Variants in DCDC1 observed in about 807,000 individuals in gnomAD.
The protein encoded by DCDC1 is doublecortin domain-containing protein 1.
A neutral mutation model predicts 178.3 loss-of-function variants in DCDC1; 200 were observed. The observed-to-expected ratio is 1.12, with a 90% CI of 1.00 to 1.26. DCDC1 has a LOEUF of 1.26. DCDC1 is among the 50% of genes most tolerant of loss of function. The probability of loss-of-function intolerance (pLI) is 0.00; values close to 1 mark genes in which losing one functional copy is unlikely to be tolerated. For synonymous variants in DCDC1, 690 were observed against 604.8 expected (o/e 1.14, Z -2.07); for missense variants, 1,983 against 1,749.2 (o/e 1.13, Z -2.38).
chr11:30,949,237 A>G (rs1466820721), intron 21 of DCDC1, among the ~76,000 whole-genome samples: 1 of 152,262 alleles, frequency 6.6e-6, no homozygotes, highest in East Asian at 1.9e-4. Context: ...TTGTGCAGCC[A>G]ACAAACATAT....
chr11:30,936,615 G>A (rs1201599325), intron 21 of DCDC1, among the ~76,000 whole-genome samples: 1 of 152,110 alleles, frequency 6.6e-6, no homozygotes, highest in Non-Finnish European at 1.5e-5. Flanking sequence ...GAAAGGGAGT[G>A]GGGAAGACTC....
chr11:30,934,955 CCAGA>C (rs1947177847), intron 21 of DCDC1, among the ~76,000 whole-genome samples: 1 of 152,068 alleles, frequency 6.6e-6, no homozygotes, highest in Admixed American at 6.6e-5. Flanking sequence ...TGGAGTAGTC[CCAGA>C]CAAATGGGAG....
At position 30,926,743 on chromosome 11, in the gene DCDC1, A is replaced by G. The variant is rs181113014; in HGVS notation, c.2898-1335T>C. ...AATGTTTCTAAATTTTATATCCTCAATGGGATAAAGCAATTAAACAGATAA... is the reference window on the plus strand; with the variant it reads ...AATGTTTCTAAATTTTATATCCTCAGTGGGATAAAGCAATTAAACAGATAA... On this transcript the variant is annotated intron_variant, in intron 22 of 38. Transcript: ENST00000684477. Among the ~76,000 whole-genome samples, 719 of 152,320 alleles carry G rather than the reference A, an allele frequency of 4.7e-3. 5 individuals are homozygous for G. The highest frequency in any genetic ancestry group is 5.6e-3 in the Non-Finnish European group (383 of 68,032).
chr11:31,042,729 T>C (rs1246937518), intron 20 of DCDC1, among the ~76,000 whole-genome samples: 1 of 152,202 alleles, frequency 6.6e-6, no homozygotes, highest in African/African-American at 2.4e-5. Flanking sequence ...CGTTGCTTCT[T>C]GTGCGGCTCA....
Position 31,335,148 on chromosome 11 carries a change from C to T in DCDC1, c.-7+299G>A, listed in dbSNP as rs1315329749. Among the ~76,000 whole-genome samples, 3 of 152,248 alleles carry T rather than the reference C, an allele frequency of 2.0e-5. No individual in the cohort carries two copies. The Middle Eastern group carries it at 0.01, about 518-fold the overall frequency. On this transcript the variant is annotated intron_variant, in intron 2 of 38. Transcript: ENST00000684477. ...CCTGCCAGGCTGCTGCCTTGCAGGTCGATCTCAGACTGCTTCACTAGTAGT... is the reference window on the plus strand; with the variant it reads ...CCTGCCAGGCTGCTGCCTTGCAGGTTGATCTCAGACTGCTTCACTAGTAGT...
chr11:31,324,268 C>CAT (rs1392374631), intron 3 of DCDC1, among the ~76,000 whole-genome samples: 10 of 151,424 alleles, frequency 6.6e-5, no homozygotes, highest in Non-Finnish European at 2.9e-5. Context: ...CATAAAGACA[C>CAT]ATCTGAGCAT....
At chr11:31,262,979 G>C in intron 8 of DCDC1, 1 of 1,525,750 alleles carries the variant, frequency 6.6e-7, no homozygotes, top group South Asian at 1.2e-5. Flanking sequence ...ATTAAAATGT[G>C]ATAATAGCAC....
chr11:31,029,423 G>C (rs1953472244), intron 20 of DCDC1, among the ~76,000 whole-genome samples: 2 of 152,022 alleles, frequency 1.3e-5, no homozygotes, highest in Non-Finnish European at 2.9e-5. Context: ...GTATCTTTTA[G>C]ACTGAGAAAA....
At position 30,868,234 on chromosome 11, in the gene DCDC1, C is replaced by G. The variant is rs1421931994; in HGVS notation, c.*41-2902G>C. ...GGGGAGGGGTGCATCCATGCTCTTTCATACCTGCTTTTTTTTTTTTTTTTT... is the reference window on the plus strand; with the variant it reads ...GGGGAGGGGTGCATCCATGCTCTTTGATACCTGCTTTTTTTTTTTTTTTTT... On this transcript the variant is annotated intron_variant, in intron 38 of 38. Coordinates refer to ENST00000684477, the MANE Select transcript of DCDC1 (RefSeq NM_001387274.1). 7.4e-5 allele frequency among the ~76,000 whole-genome samples: 10 copies of G among 134,680 alleles called. No homozygotes were observed. In the East Asian group the frequency reaches 2.1e-3, roughly 28 times the overall value. 88.4% of individuals were successfully genotyped at this position (134,680 alleles called of 152,430 possible). A position where few individuals can be genotyped will look rare whatever the true frequency, so the allele number is the denominator to read the frequency against.
intron 20 of DCDC1, among the ~76,000 whole-genome samples, chr11:30,956,343 C>T (rs1036603569): frequency 5.9e-5 from 9 of 152,148 alleles, no homozygotes; most frequent in Non-Finnish European, 1.3e-4. Context: ...GCCCAAAGTA[C>T]TTTTTCATAC....
intron 20 of DCDC1, among the ~76,000 whole-genome samples, chr11:31,027,105 G>A (rs1953293995): frequency 6.6e-6 from 1 of 151,728 alleles, no homozygotes; most frequent in African/African-American, 2.4e-5. Flanking sequence ...TATGAAATAT[G>A]GAAGTCACAT....
At chr11:31,119,389 C>T (rs1310891174) in intron 11 of DCDC1, among the ~76,000 whole-genome samples, 2 of 152,148 alleles carry the variant, frequency 1.3e-5, no homozygotes, top group African/African-American at 4.8e-5. Flanking sequence ...AAGCCATATC[C>T]TAAATTTGTT....
chr11:30,911,192 T>C, intron 28 of DCDC1, 135 bp downstream of exon 28: 1 of 702,968 alleles, frequency 1.4e-6, no homozygotes, highest in Non-Finnish European at 2.4e-6. Flanking sequence ...CTAGGCAGAC[T>C]ATTGTAAATA....
rs1163499625 is a variant in DCDC1, at chr11:30,941,137, C to T, written c.2716-9185G>A. On this transcript the variant is annotated intron_variant, in intron 21 of 38. Transcript: ENST00000684477. ...CTATATCAAGGACCCAACTACTTTT[C>T]ATCACCTCCATTCCTACCATCCTGG... Among the ~76,000 whole-genome samples the T allele has an allele frequency of 8.5e-5, 13 of 152,152 alleles. 1 individual carries two copies. Among genetic ancestry groups the T allele is most frequent in the Admixed American group, 5.9e-4 (9 of 15,268 alleles).
intron 20 of DCDC1, among the ~76,000 whole-genome samples, chr11:30,977,079 C>T (rs918482688): frequency 2.6e-5 from 4 of 152,070 alleles, no homozygotes; most frequent in African/African-American, 9.7e-5. Context: ...AAGCCAGGAA[C>T]AGAAAGACAA....
At chr11:31,080,354 C>G (rs536672110) in intron 17 of DCDC1, among the ~76,000 whole-genome samples, 6 of 152,042 alleles carry the variant, frequency 3.9e-5, no homozygotes, top group Non-Finnish European at 7.4e-5. Context: ...GGAACCAGAA[C>G]CCAGAATGTC....
intron 36 of DCDC1, among the ~76,000 whole-genome samples, chr11:30,887,961 C>A (rs1379148023): frequency 6.8e-6 from 1 of 146,956 alleles, no homozygotes; most frequent in African/African-American, 2.5e-5. Context: ...TGAGATCATG[C>A]CATTGCACTC....
At chr11:31,271,900 T>C (rs542870596) in intron 7 of DCDC1, among the ~76,000 whole-genome samples, 1 of 152,058 alleles carries the variant, frequency 6.6e-6, no homozygotes, top group Admixed American at 6.5e-5. Flanking sequence ...TGGTAGCTCA[T>C]GCCTGTAATC....
chr11:31,075,860 A>AT (rs537625442), intron 18 of DCDC1, among the ~76,000 whole-genome samples: 11 of 151,506 alleles, frequency 7.3e-5, no homozygotes, highest in South Asian at 2.1e-4. Context: ...TCATTCTTTT[A>AT]TTTTTTTTGA....
Sources: allele counts gnomAD v4.1 joint callset (sites outside exome capture counted in the v4.1 genomes callset), GRCh38; gene constraint gnomAD v4.1.1; transcripts MANE v1.5; gene names NCBI Gene and HGNC (gene_info 2026-07-23, HGNC 2026-07-21).